Variants in LRMDA observed in about 807,000 individuals in gnomAD.
LRMDA encodes the protein leucine-rich melanocyte differentiation-associated protein.
LRMDA carries 18 observed loss-of-function variants against 29.8 expected under a neutral mutation model. That is an observed-to-expected ratio of 0.60 (90% CI 0.42 to 0.90). The LOEUF (loss-of-function observed/expected upper bound fraction) is 0.90, where lower values mean the gene tolerates loss of function less well. Ranked by LOEUF, LRMDA falls within the 40% of genes least tolerant of loss-of-function variation. LRMDA has a pLI of 0.00. For synonymous variants in LRMDA, 125 were observed against 109.4 expected, an observed-to-expected ratio of 1.14 and a Z score of -0.89; for missense variants, 273 against 273.9, an observed-to-expected ratio of 1.00 and a Z score of 0.02.
At chr10:76,150,886 C>T (rs80084077) in intron 5 of LRMDA, among the ~76,000 whole-genome samples, 203 of 152,308 alleles carry the variant, frequency 1.3e-3, no homozygotes, top group South Asian at 2.1e-3. Flanking sequence ...CACTGAGACG[C>T]AGTTTTGTTT....
chr10:76,121,269 G>A (rs1008766582), intron 5 of LRMDA, among the ~76,000 whole-genome samples: 5 of 152,060 alleles, frequency 3.3e-5, no homozygotes, highest in Admixed American at 2.6e-4. Flanking sequence ...CCTCTAATTC[G>A]CCTAGATAAT....
chr10:75,779,604 G>C (rs895293621), intron 2 of LRMDA, among the ~76,000 whole-genome samples: 1 of 152,210 alleles, frequency 6.6e-6, no homozygotes, highest in Non-Finnish European at 1.5e-5. Flanking sequence ...AGGCTCTGCT[G>C]TTGTAACAAA....
chr10:75,520,013 G>C (rs998018500), intron 2 of LRMDA, among the ~76,000 whole-genome samples: 1 of 152,168 alleles, frequency 6.6e-6, no homozygotes. Flanking sequence ...GGCCCCCACT[G>C]TCTTCTGGCT....
chr10:75,914,050 C>A (rs1046219022), intron 2 of LRMDA, among the ~76,000 whole-genome samples: 1 of 152,172 alleles, frequency 6.6e-6, no homozygotes, highest in Non-Finnish European at 1.5e-5. Context: ...GAAATGCTTA[C>A]AAAGAAGCAG....
At chr10:75,943,105 A>G (rs1049731379) in intron 2 of LRMDA, among the ~76,000 whole-genome samples, 2 of 151,174 alleles carry the variant, frequency 1.3e-5, no homozygotes, top group African/African-American at 4.9e-5. Context: ...TAACTGTTAG[A>G]TGAAGTTAAA....
chr10:75,454,630 G>A (rs1011479381), intron 2 of LRMDA, among the ~76,000 whole-genome samples: 1 of 152,188 alleles, frequency 6.6e-6, no homozygotes, highest in Non-Finnish European at 1.5e-5. Flanking sequence ...GAGCCTGGGC[G>A]GCAGCCATCT....
intron 2 of LRMDA, among the ~76,000 whole-genome samples, chr10:75,999,487 A>G (rs751123651): frequency 7.2e-5 from 11 of 152,330 alleles, no homozygotes; most frequent in Non-Finnish European, 1.3e-4. Flanking sequence ...CCTGGTACCC[A>G]GATTGATTTG....
intron 2 of LRMDA, among the ~76,000 whole-genome samples, chr10:75,663,033 G>A (rs1841774869): frequency 6.6e-6 from 1 of 152,180 alleles, no homozygotes; most frequent in African/African-American, 2.4e-5. Flanking sequence ...AGTGTTGAGA[G>A]CCTGGTCTGG....
chr10:75,451,712 C>T (rs932871263), intron 2 of LRMDA: 12 of 152,118 alleles, frequency 7.9e-5, no homozygotes, highest in Non-Finnish European at 8.8e-5. Context: ...ATCCCCTACC[C>T]TGCTTCTAAG....
At position 76,045,099 on chromosome 10, in the gene LRMDA, A is replaced by G. The variant is rs368700007; in HGVS notation, c.259-2065A>G. Among the ~76,000 whole-genome samples, 4 of 110,332 alleles carry G rather than the reference A, an allele frequency of 3.6e-5. No homozygotes were observed. The East Asian group carries it at 1.0e-3, about 29-fold the overall frequency. The allele number at this position is 110,332 out of a possible 152,430, so 72.4% of individuals were successfully genotyped here. On this transcript the variant is annotated intron_variant, in intron 3 of 6. Coordinates refer to ENST00000611255, the MANE Select transcript of LRMDA (RefSeq NM_001305581.2). ...TTCCCCCTCTCTTGCTAGTTTACCTATTCTTGCTAGTTTTTCCCCTCCCTT... is the reference window on the plus strand; with the variant it reads ...TTCCCCCTCTCTTGCTAGTTTACCTGTTCTTGCTAGTTTTTCCCCTCCCTT...
chr10:75,793,596 G>A lies in LRMDA; in HGVS notation c.132-242412G>A, dbSNP rs1482008006. ...GGATTGTATTTTCTGGTCCCCTTGT[G>A]TGAATGGGGTCACATGAATAGTTCA... On this transcript the variant is annotated intron_variant, in intron 2 of 6. Transcript: ENST00000611255. Among the ~76,000 whole-genome samples the A allele has an allele frequency of 2.6e-5, 4 of 152,214 alleles. No homozygotes were observed. In the East Asian group the frequency reaches 7.7e-4, roughly 29 times the overall value.
chr10:76,150,644 C>G (rs1564667705), intron 5 of LRMDA, among the ~76,000 whole-genome samples: 1 of 152,182 alleles, frequency 6.6e-6, no homozygotes, highest in Non-Finnish European at 1.5e-5. Flanking sequence ...CAGCCTGTCT[C>G]AGTTTGTGGG....
chr10:76,151,110 G>A lies in LRMDA; in HGVS notation c.516+92327G>A, dbSNP rs117402858. On this transcript the variant is annotated intron_variant, in intron 5 of 6. Transcript: ENST00000611255. ...GCAGGGGTGGCAGCTTCAGACGTAG[G>A]GCTCAAGGGGGCTCCTCCAACCTAT... 2.8e-3 allele frequency among the ~76,000 whole-genome samples: 424 copies of A among 152,194 alleles called. 17 individuals carry two copies. The East Asian group carries it at 0.067, about 24-fold the overall frequency.
intron 2 of LRMDA, among the ~76,000 whole-genome samples, chr10:75,938,769 G>A (rs1180784637): frequency 6.6e-6 from 1 of 152,152 alleles, no homozygotes; most frequent in Non-Finnish European, 1.5e-5. Flanking sequence ...CTTGGATGAA[G>A]GGCAATAAAG....
chr10:76,363,959 C>T (rs994217645), intron 6 of LRMDA, among the ~76,000 whole-genome samples: 2 of 152,100 alleles, frequency 1.3e-5, no homozygotes, highest in East Asian at 1.9e-4. Flanking sequence ...GATCACTTCA[C>T]CTTTTAAGGC....
intron 5 of LRMDA, among the ~76,000 whole-genome samples, chr10:76,231,243 A>C (rs1370851348): frequency 6.6e-6 from 1 of 152,246 alleles, no homozygotes; most frequent in African/African-American, 2.4e-5. Context: ...AGGAGGTGTA[A>C]TGATTGTGTT....
chr10:76,501,452 G>C (rs1165822340), intron 6 of LRMDA, among the ~76,000 whole-genome samples: 1 of 151,962 alleles, frequency 6.6e-6, no homozygotes, highest in African/African-American at 2.4e-5. Flanking sequence ...TTTACAGACT[G>C]CCTTCCACAG....
chr10:75,479,631 G>A (rs1044937435), intron 2 of LRMDA, among the ~76,000 whole-genome samples: 1 of 152,176 alleles, frequency 6.6e-6, no homozygotes, highest in South Asian at 2.1e-4. Flanking sequence ...GAGCCATTGT[G>A]CATGTACTGA....
At position 75,868,293 on chromosome 10, in the gene LRMDA, C is replaced by T. The variant is rs550088041; in HGVS notation, c.132-167715C>T. ...ACAGTCCAGGTTCCCACACCAATCC[C>T]CCATTAACACTTCCTAGCTGTGTAA... On this transcript the variant is annotated intron_variant, in intron 2 of 6. Coordinates refer to ENST00000611255, the MANE Select transcript of LRMDA (RefSeq NM_001305581.2). 2.6e-5 allele frequency among the ~76,000 whole-genome samples: 4 copies of T among 152,276 alleles called. No homozygotes were observed. In the East Asian group the frequency reaches 5.8e-4, roughly 22 times the overall value.
Sources: gnomAD v4.1 joint callset for allele counts (sites outside exome capture counted in the v4.1 genomes callset) on GRCh38, gnomAD v4.1.1 for gene constraint, MANE v1.5 for transcripts, NCBI Gene and HGNC (gene_info 2026-07-23, HGNC 2026-07-21) for gene names.